The following CDK17 variants were observed in gnomAD, a reference collection of about 807,000 sequenced individuals.
CDK17 encodes cyclin dependent kinase 17.
Under a neutral mutation model 77.6 loss-of-function variants are expected in CDK17, and 24 were observed. The ratio of observed to expected loss-of-function variants is 0.31; its 90% confidence interval spans 0.22 to 0.44. The LOEUF (loss-of-function observed/expected upper bound fraction) is 0.44, where lower values mean the gene tolerates loss of function less well. Among genes scored for constraint, CDK17 ranks in the 20% least tolerant of loss-of-function variants. The probability of loss-of-function intolerance (pLI) is 1.00; values close to 1 mark genes in which losing one functional copy is unlikely to be tolerated. For missense variants in CDK17, 429 were observed against 622.5 expected (o/e 0.69, Z 3.31); for synonymous variants, 203 against 210.4 (o/e 0.96, Z 0.30).
At chr12:96,308,229 T>TAAAAAAAAAAAA (rs61572243) in intron 5 of CDK17, among the ~76,000 whole-genome samples, 2 of 63,764 alleles carry the variant, frequency 3.1e-5, no homozygotes, top group Non-Finnish European at 6.2e-5. Context: ...ATGCCATCTC[T>TAAAAAAAAAAAA]AAAAAAAAAA....
At chr12:96,376,152 A>G (rs1435404149) in intron 1 of CDK17, among the ~76,000 whole-genome samples, 1 of 152,206 alleles carries the variant, frequency 6.6e-6, no homozygotes, top group Non-Finnish European at 1.5e-5. Flanking sequence ...GGCAGATAAG[A>G]GCTACAAAAA....
At chr12:96,354,387 ACT>A (rs1236597204) in intron 1 of CDK17, among the ~76,000 whole-genome samples, 11 of 152,124 alleles carry the variant, frequency 7.2e-5, no homozygotes, top group African/African-American at 2.7e-4. Flanking sequence ...ACTCCTTCAA[ACT>A]CTGCTCCTCT....
intron 1 of CDK17, among the ~76,000 whole-genome samples, chr12:96,370,085 C>T (rs890480759): frequency 1.1e-4 from 16 of 152,152 alleles, no homozygotes; most frequent in African/African-American, 3.9e-4. Context: ...AAAGTCACTG[C>T]AGAGTAACAA....
chr12:96,323,442 C>T (rs1952850986), intron 3 of CDK17, among the ~76,000 whole-genome samples: 3 of 151,798 alleles, frequency 2.0e-5, no homozygotes. Flanking sequence ...GCCTGGGTGA[C>T]AGAGTGAGAC....
intron 1 of CDK17, among the ~76,000 whole-genome samples, chr12:96,350,363 C>G (rs1285642327): frequency 1.4e-5 from 2 of 148,008 alleles, no homozygotes; most frequent in South Asian, 4.2e-4. Context: ...AAAAAAAAAG[C>G]AAGACAACGA....
chr12:96,310,611 G>C (rs147712697), intron 5 of CDK17, among the ~76,000 whole-genome samples: 213 of 151,752 alleles, frequency 1.4e-3, no homozygotes, highest in African/African-American at 5.0e-3. Flanking sequence ...GGGGGTTTCT[G>C]GGATTTCTGA....
Position 96,358,352 on chromosome 12 carries a change from G to T in CDK17, c.-29-23487C>A, listed in dbSNP as rs933730272. On this transcript the variant is annotated intron_variant, in intron 1 of 16. Transcript: ENST00000261211. ...CAGTGAGGATCTTGTCATAAGCCCA[G>T]AACTCTGTGCAAACTTGTAAAAAAA... 2.7e-5 allele frequency among the ~76,000 whole-genome samples: 2 copies of T among 75,040 alleles called. 1 individual carries two copies. Among genetic ancestry groups the T allele is most frequent in the South Asian group, 9.0e-4 (2 of 2,232 alleles). 49.2% of individuals were successfully genotyped at this position (75,040 alleles called of 152,430 possible). A position where few individuals can be genotyped will look rare whatever the true frequency, so the allele number is the denominator to read the frequency against.
At chr12:96,344,020 CAA>C (rs897982472) in intron 1 of CDK17, among the ~76,000 whole-genome samples, 2 of 151,976 alleles carry the variant, frequency 1.3e-5, no homozygotes, top group Admixed American at 1.3e-4. Flanking sequence ...TGGAATCAAA[CAA>C]AAATTCCAAA....
Position 96,303,652 on chromosome 12 carries a change from T to TA in CDK17, c.544-3293dup, listed in dbSNP as rs1285108851. The stretch of plus-strand genomic sequence containing the variant: ...AGCAAATTCCTATTCAGATGGCTCT[T>TA]AGAGTATAAACACATGAAAATTCTA... On this transcript the variant is annotated intron_variant, in intron 5 of 16. Transcript: ENST00000261211. 1.1e-4 allele frequency: 16 copies of TA among 152,122 alleles called. No individual in the cohort carries two copies. The East Asian group carries it at 3.1e-3, about 29-fold the overall frequency. 9.4% of individuals were successfully genotyped at this position (152,122 alleles called of 1,614,324 possible).
intron 11 of CDK17, among the ~76,000 whole-genome samples, chr12:96,287,218 CAA>C (rs1398282221): frequency 1.3e-5 from 2 of 151,932 alleles, no homozygotes; most frequent in Non-Finnish European, 2.9e-5. Flanking sequence ...TGGAGAGAAA[CAA>C]ATGATTCAAG....
chr12:96,280,301 T>A, intron 16 of CDK17, 22 bp from the exon 17 acceptor site: 1 of 1,550,590 alleles, frequency 6.4e-7, no homozygotes, highest in African/African-American at 1.4e-5. Flanking sequence ...AGTCATTTTA[T>A]GAGGCAGTTC....
chr12:96,292,192 G>A (rs1444738918), intron 10 of CDK17, among the ~76,000 whole-genome samples: 1 of 152,118 alleles, frequency 6.6e-6, no homozygotes, highest in East Asian at 1.9e-4. Flanking sequence ...AAATGGCAAA[G>A]TATTAAACGA....
intron 1 of CDK17, among the ~76,000 whole-genome samples, chr12:96,338,618 C>T (rs1033817863): frequency 2.0e-5 from 3 of 151,978 alleles, no homozygotes; most frequent in South Asian, 2.1e-4. Flanking sequence ...CTTGAACTCC[C>T]GGCCTCAAGT....
At chr12:96,295,919 G>A (rs1304258538) in intron 9 of CDK17, among the ~76,000 whole-genome samples, 1 of 152,174 alleles carries the variant, frequency 6.6e-6, no homozygotes, top group Non-Finnish European at 1.5e-5. Context: ...CTCAAGTACA[G>A]AGGATTCAAG....
intron 5 of CDK17, among the ~76,000 whole-genome samples, chr12:96,300,609 C>T (rs769387269): frequency 3.3e-5 from 5 of 152,128 alleles, no homozygotes; most frequent in Non-Finnish European, 5.9e-5. Context: ...ATTGGCCAGG[C>T]TGTTCTCGAA....
intron 3 of CDK17, among the ~76,000 whole-genome samples, chr12:96,316,354 C>A (rs370050616): frequency 2.0e-5 from 3 of 150,832 alleles, no homozygotes; most frequent in African/African-American, 7.3e-5. Context: ...GAGATCAAAC[C>A]GCAAGGCGGC....
At chr12:96,334,220 T>C (rs974359212) in intron 2 of CDK17, among the ~76,000 whole-genome samples, 5 of 152,212 alleles carry the variant, frequency 3.3e-5, no homozygotes, top group Non-Finnish European at 5.9e-5. Flanking sequence ...CACCAGGATT[T>C]TGTATTTAAC....
intron 5 of CDK17, among the ~76,000 whole-genome samples, chr12:96,304,553 A>G (rs1487182655): frequency 6.6e-6 from 1 of 152,118 alleles, no homozygotes; most frequent in Non-Finnish European, 1.5e-5. Flanking sequence ...AACAAAAAAG[A>G]AACAGCAGGG....
intron 1 of CDK17, among the ~76,000 whole-genome samples, chr12:96,369,597 G>C (rs998853749): frequency 6.6e-6 from 1 of 152,116 alleles, no homozygotes; most frequent in African/African-American, 2.4e-5. Context: ...GGACAACACG[G>C]AGAAACCTGG....
Sources: gnomAD v4.1 joint callset for allele counts (sites outside exome capture counted in the v4.1 genomes callset) on GRCh38, gnomAD v4.1.1 for gene constraint, MANE v1.5 for transcripts, NCBI Gene and HGNC (gene_info 2026-07-23, HGNC 2026-07-21) for gene names.